CNOT4: variants seen among roughly 807,000 people sequenced by gnomAD.
CNOT4 encodes CCR4-associated factor 4.
A neutral mutation model predicts 73.8 loss-of-function variants in CNOT4; 8 were observed. The observed-to-expected ratio is 0.11, with a 90% CI of 0.06 to 0.20. CNOT4 has a LOEUF of 0.20. CNOT4 is among the 10% of genes least tolerant of loss of function. The pLI is 1.00. For missense variants in CNOT4, 564 were observed against 883.4 expected, an observed-to-expected ratio of 0.64 and a Z score of 4.58; for synonymous variants, 293 against 321.1, an observed-to-expected ratio of 0.91 and a Z score of 0.94.
intron 1 of CNOT4, among the ~76,000 whole-genome samples, chr7:135,501,231 C>G (rs531019761): frequency 6.6e-6 from 1 of 152,148 alleles, no homozygotes; most frequent in Admixed American, 6.6e-5. Context: ...GCAATCCTCC[C>G]ACCTCAGCCT....
At chr7:135,414,921 G>C (rs1797775927) in intron 4 of CNOT4, among the ~76,000 whole-genome samples, 1 of 151,982 alleles carries the variant, frequency 6.6e-6, no homozygotes, top group Non-Finnish European at 1.5e-5. Context: ...CACATTGCCT[G>C]ATAACAGACT....
At chr7:135,388,720 T>A in intron 10 of CNOT4, 1 of 1,546,498 alleles carries the variant, frequency 6.5e-7, no homozygotes, top group South Asian at 1.2e-5. Context: ...AGCAAAATCA[T>A]AAAGGAATCA....
At chr7:135,439,177 T>TA (rs1417902023) in intron 1 of CNOT4, among the ~76,000 whole-genome samples, 1 of 152,220 alleles carries the variant, frequency 6.6e-6, no homozygotes, top group African/African-American at 2.4e-5. Flanking sequence ...AAGCCACTGT[T>TA]AGATTAAAAG....
intron 1 of CNOT4, among the ~76,000 whole-genome samples, chr7:135,472,079 A>G (rs111494710): frequency 4.6e-5 from 7 of 152,114 alleles, no homozygotes; most frequent in Non-Finnish European, 1.0e-4. Flanking sequence ...GGGCTGAGGC[A>G]GGAGTAGCGC....
At chr7:135,368,802 A>G (rs1795046835) in intron 10 of CNOT4, among the ~76,000 whole-genome samples, 1 of 152,240 alleles carries the variant, frequency 6.6e-6, no homozygotes, top group East Asian at 1.9e-4. Context: ...ACTATATTAT[A>G]GACTATATTT....
At chr7:135,471,990 T>G (rs1801610140) in intron 1 of CNOT4, among the ~76,000 whole-genome samples, 1 of 150,208 alleles carries the variant, frequency 6.7e-6, no homozygotes, top group African/African-American at 2.5e-5. Flanking sequence ...CTGGGCAACA[T>G]GGTGAAACCC....
intron 10 of CNOT4, chr7:135,386,947 A>T (rs1796149334): frequency 3.1e-6 from 1 of 326,222 alleles, no homozygotes. Flanking sequence ...CTTTGTAAGA[A>T]GATCCAGGCA....
intron 1 of CNOT4, among the ~76,000 whole-genome samples, chr7:135,452,263 G>A (rs1313710821): frequency 6.6e-6 from 1 of 151,596 alleles, no homozygotes; most frequent in Admixed American, 6.6e-5. Context: ...TAATAAAAGA[G>A]TGTATCAAAG....
At chr7:135,398,577 A>G (rs1275526125) in intron 7 of CNOT4, among the ~76,000 whole-genome samples, 1 of 152,046 alleles carries the variant, frequency 6.6e-6, no homozygotes, top group Non-Finnish European at 1.5e-5. Context: ...AAAAGAAAAA[A>G]AAATCTGAAA....
rs558738254 is a variant in CNOT4, at chr7:135,394,552, A to C, written c.1130-137T>G. 2.6e-5 allele frequency: 18 copies of C among 699,030 alleles called. No individual in the cohort carries two copies. In the African/African-American group the frequency reaches 3.2e-4, roughly 13 times the overall value. The allele number at this position is 699,030 out of a possible 1,614,324, so 43.3% of individuals were successfully genotyped here. A position where few individuals can be genotyped will look rare whatever the true frequency, so the allele number is the denominator to read the frequency against. On this transcript the variant is annotated intron_variant, in intron 9 of 11. Coordinates refer to ENST00000541284, the MANE Select transcript of CNOT4 (RefSeq NM_001190850.2). ...CAAAATCTATGTGACTTCTTAGCAC[A>C]TTAAGATCATATAATTACAAAAGGC...
At chr7:135,372,398 A>T (rs1370232264) in intron 10 of CNOT4, among the ~76,000 whole-genome samples, 1 of 152,150 alleles carries the variant, frequency 6.6e-6, no homozygotes, top group East Asian at 1.9e-4. Context: ...TATTGCAATC[A>T]TTTGTTTACA....
At position 135,373,137 on chromosome 7, in the gene CNOT4, A is replaced by G. The variant is rs114838868; in HGVS notation, c.1628-9071T>C. Among the ~76,000 whole-genome samples the G allele has an allele frequency of 7.1e-3, 1,083 of 152,360 alleles. 7 individuals carry two copies. The highest frequency in any genetic ancestry group is 0.023 in the African/African-American group (940 of 41,576). On this transcript the variant is annotated intron_variant, in intron 10 of 11. Coordinates refer to ENST00000541284, the MANE Select transcript of CNOT4 (RefSeq NM_001190850.2). The stretch of plus-strand genomic sequence containing the variant: ...ATATAACCTACTTGTATATAAAAGT[A>G]TAATTCTTACGGATTAAAGTCAGAA...
At chr7:135,414,509 G>T in intron 4 of CNOT4, 77 bp from the exon 5 acceptor site, 1 of 716,446 alleles carries the variant, frequency 1.4e-6, no homozygotes, top group East Asian at 2.5e-5. Flanking sequence ...TGCAACCTAG[G>T]GAATTCTAAA....
rs3812280 is a variant in CNOT4 at position 135,392,621 on chromosome 7, C to T, written c.1627+1297G>A. Among the ~76,000 whole-genome samples, 241 of 152,228 alleles carry T rather than the reference C, an allele frequency of 1.6e-3. 5 individuals carry two copies. The East Asian group carries it at 0.042, about 27-fold the overall frequency. On this transcript the variant is annotated intron_variant, in intron 10 of 11. Transcript: ENST00000541284. Reference sequence around the variant, plus strand: ...GTAGAAGAAGAGGACTGAAAAATGTCACTCTGGTTACCTACTAACTACCAT... The same window carrying T: ...GTAGAAGAAGAGGACTGAAAAATGTTACTCTGGTTACCTACTAACTACCAT...
intron 2 of CNOT4, among the ~76,000 whole-genome samples, chr7:135,429,866 C>T (rs1798712329): frequency 6.6e-6 from 1 of 152,158 alleles, no homozygotes; most frequent in African/African-American, 2.4e-5. Flanking sequence ...CTTACCAGAT[C>T]CTGGTACTGG....
intron 7 of CNOT4, among the ~76,000 whole-genome samples, chr7:135,404,589 A>G (rs1445373501): frequency 6.6e-6 from 1 of 152,134 alleles, no homozygotes; most frequent in Non-Finnish European, 1.5e-5. Context: ...AAATCTCAAG[A>G]GTTTTACCAA....
At chr7:135,465,388 A>G (rs1469476427) in intron 1 of CNOT4, among the ~76,000 whole-genome samples, 2 of 152,228 alleles carry the variant, frequency 1.3e-5, no homozygotes, top group Non-Finnish European at 2.9e-5. Context: ...ATTTATAATT[A>G]TTCAATACAA....
intron 10 of CNOT4, among the ~76,000 whole-genome samples, chr7:135,372,405 T>C (rs1213306047): frequency 2.0e-5 from 3 of 152,230 alleles, no homozygotes; most frequent in Non-Finnish European, 4.4e-5. Flanking sequence ...ATCATTTGTT[T>C]ACATGTTCAC....
chr7:135,371,020 C>T (rs1243685076), intron 10 of CNOT4, among the ~76,000 whole-genome samples: 1 of 152,216 alleles, frequency 6.6e-6, no homozygotes, highest in East Asian at 1.9e-4. Flanking sequence ...AAACAAAAGT[C>T]TCTAAGATAT....
Sources: allele counts gnomAD v4.1 joint callset (sites outside exome capture counted in the v4.1 genomes callset), GRCh38; gene constraint gnomAD v4.1.1; transcripts MANE v1.5; gene names NCBI Gene and HGNC (gene_info 2026-07-23, HGNC 2026-07-21).